PDIA4: variants seen among roughly 807,000 people sequenced by gnomAD.
PDIA4 encodes protein disulfide-isomerase A4.
PDIA4 carries 33 observed loss-of-function variants against 62.1 expected under a neutral mutation model. The observed-to-expected ratio is 0.53, with a 90% confidence interval of 0.40 to 0.71. The LOEUF is 0.71. Among genes scored for constraint, PDIA4 ranks in the 30% least tolerant of loss-of-function variants. PDIA4 has a pLI of 0.00. For missense variants in PDIA4, 804 were observed against 813.6 expected, an observed-to-expected ratio of 0.99 and a Z score of 0.14; for synonymous variants, 341 against 324.1, an observed-to-expected ratio of 1.05 and a Z score of -0.56.
At chr7:149,010,186 A>T (rs1382192) in intron 6 of PDIA4, among the ~76,000 whole-genome samples, 1 of 152,096 alleles carries the variant, frequency 6.6e-6, no homozygotes, top group African/African-American at 2.4e-5. Context: ...TGTAAAACAG[A>T]GGCATTAAAA....
chr7:149,014,413 A>G (rs1441211327), intron 4 of PDIA4, among the ~76,000 whole-genome samples: 4 of 152,090 alleles, frequency 2.6e-5, no homozygotes, highest in Admixed American at 6.5e-5. Context: ...TCACCAAGAC[A>G]GATGGTACCC....
chr7:149,027,473 G>A (rs868232017), intron 1 of PDIA4, among the ~76,000 whole-genome samples: 14 of 152,146 alleles, frequency 9.2e-5, no homozygotes, highest in African/African-American at 3.1e-4. Flanking sequence ...AAACTCAGAA[G>A]GTTAAAAAGC....
At chr7:149,018,247 A>T (rs566052009) in intron 3 of PDIA4, among the ~76,000 whole-genome samples, 15 of 152,110 alleles carry the variant, frequency 9.9e-5, no homozygotes, top group Middle Eastern at 3.4e-3. Context: ...AATAAAAAAG[A>T]AATGCAAATT....
chr7:149,014,826 T>C lies in PDIA4; in HGVS notation c.614+78A>G, dbSNP rs544286794. The stretch of plus-strand genomic sequence containing the variant: ...ACCTTGCTCCTCTGCTGTTCCTGCC[T>C]CACGGGCAGGGGCCTGCCACCCCGC... On this transcript the variant is annotated intron_variant, in intron 4 of 9. Transcript: ENST00000652332. 72 of 1,411,834 alleles carry C rather than the reference T, an allele frequency of 5.1e-5. No individual in the cohort carries two copies. The African/African-American group carries it at 9.3e-4, about 18-fold the overall frequency. The allele number at this position is 1,411,834 out of a possible 1,614,324, so 87.5% of individuals were successfully genotyped here. A position where few individuals can be genotyped will look rare whatever the true frequency, so the allele number is the denominator to read the frequency against.
intron 1 of PDIA4, among the ~76,000 whole-genome samples, chr7:149,023,226 G>A (rs1824417724): frequency 6.6e-6 from 1 of 152,158 alleles, no homozygotes; most frequent in East Asian, 1.9e-4. Context: ...ATCTCCCTGT[G>A]GAGCAGAGGG....
In PDIA4 at chr7:149,005,950, C is replaced by A. The variant is rs753851204; in HGVS notation, c.1235G>T (p.Arg412Leu). Residue 412 changes from arginine (R) to leucine (L), a missense_variant, in exon 8 of 10, where the codon CGC becomes CTC. Arg to Leu is a moderately radical substitution (Grantham distance 102). Transcript: ENST00000652332. Reference sequence around the variant, plus strand: ...ACTGTAGTAGACGACCACCAGGGGGCGCCTGGTGTAGCGCTTAGCATCGTT... The same window carrying A: ...ACTGTAGTAGACGACCACCAGGGGGAGCCTGGTGTAGCGCTTAGCATCGTT... ...VSNDAKRYTR[R>L]PLVVVYYSVD... 5 of 1,530,662 alleles carry A rather than the reference C, an allele frequency of 3.3e-6. No homozygotes were observed. Among genetic ancestry groups the A allele is most frequent in the Non-Finnish European group, 3.5e-6 (4 of 1,150,856 alleles). 94.8% of individuals were successfully genotyped at this position (1,530,662 alleles called of 1,614,324 possible). A position where few individuals can be genotyped will look rare whatever the true frequency, so the allele number is the denominator to read the frequency against.
chr7:149,008,715 G>GAAAAAAAAAAA (rs371884233), intron 6 of PDIA4, among the ~76,000 whole-genome samples: 1 of 109,132 alleles, frequency 9.2e-6, no homozygotes, highest in Non-Finnish European at 1.9e-5. Flanking sequence ...TCTTTAAAAA[G>GAAAAAAAAAAA]AAAAAAAAAA....
chr7:149,022,009 C>T (rs917786582), intron 1 of PDIA4, among the ~76,000 whole-genome samples: 1 of 152,212 alleles, frequency 6.6e-6, no homozygotes, highest in Non-Finnish European at 1.5e-5. Flanking sequence ...ATGCTTTCCA[C>T]AGGCAGGGCC....
chr7:149,016,656 C>A (rs1054831022), intron 3 of PDIA4, among the ~76,000 whole-genome samples: 2 of 152,106 alleles, frequency 1.3e-5, no homozygotes, highest in Non-Finnish European at 2.9e-5. Context: ...ACACACCAGC[C>A]ACCTGCCACC....
In PDIA4 at chr7:149,020,951, A is replaced by G. The variant is rs764070360; in HGVS notation, c.269+16T>C. On this transcript the variant is annotated intron_variant, in intron 2 of 9. Coordinates refer to ENST00000652332, the MANE Select transcript of PDIA4 (RefSeq NM_004911.5). ...CAGCGCTTGTCCACCTGCAGAAATT[A>G]GAACGCGGTCCTTACCATGGAGCAT... The G allele has an allele frequency of 6.2e-6, 10 of 1,611,998 alleles. No individual in the cohort carries two copies. Among genetic ancestry groups the G allele is most frequent in the Non-Finnish European group, 7.6e-6 (9 of 1,178,552 alleles).
chr7:149,011,992 T>A lies in PDIA4; in HGVS notation c.833A>T (p.Tyr278Phe). 1 of 1,593,182 alleles carries A rather than the reference T, an allele frequency of 6.3e-7. No homozygotes were observed. The highest frequency in any genetic ancestry group is 8.6e-7 in the Non-Finnish European group (1 of 1,168,490). Residue 278 changes from tyrosine (Y) to phenylalanine (F), a missense_variant, in exon 6 of 10, where the codon TAC becomes TTC. Physicochemically the swap from Tyr to Phe is conservative, Grantham distance 22. Transcript: ENST00000652332. ...GGGAGGCCCGGACTGCTCGATCATG[T>A]AATCAACGATTCCTGGGAGCAGGGC... Reference protein sequence around the residue: ...GPREKYGIVDYMIEQSGPPSK... With the variant: ...GPREKYGIVDFMIEQSGPPSK...
At chr7:149,024,580 T>A (rs1824472269) in intron 1 of PDIA4, among the ~76,000 whole-genome samples, 1 of 151,810 alleles carries the variant, frequency 6.6e-6, no homozygotes, top group African/African-American at 2.4e-5. Context: ...TCTGGGAGGC[T>A]GAGACGGGCA....
At chr7:149,015,970 G>A (rs1167573119) in intron 3 of PDIA4, among the ~76,000 whole-genome samples, 2 of 152,202 alleles carry the variant, frequency 1.3e-5, no homozygotes, top group Non-Finnish European at 2.9e-5. Context: ...ACCTCCAAAC[G>A]CATATGCCTG....
rs1460216985 is a variant in PDIA4 at position 149,003,844 on chromosome 7, A to G, written c.1888T>C (p.Phe630Leu). Residue 630 changes from phenylalanine (F) to leucine (L), a missense_variant, in exon 10 of 10, where the codon TTT becomes CTT. Transcript: ENST00000652332. ...AGTTTTGTGGCATGTTCTTCTATAAACTTGCTCAAATGCTCCAGATCTCTG... is the reference window on the plus strand; with the variant it reads ...AGTTTTGTGGCATGTTCTTCTATAAGCTTGCTCAAATGCTCCAGATCTCTG... ...GDRDLEHLSKFIEEHATKLSR... is the reference protein window; with the variant it reads ...GDRDLEHLSKLIEEHATKLSR... 1 of 1,601,252 alleles carries G rather than the reference A, an allele frequency of 6.2e-7. No individual in the cohort carries two copies. The highest frequency in any genetic ancestry group is 1.1e-5 in the South Asian group (1 of 88,566).
intron 1 of PDIA4, among the ~76,000 whole-genome samples, chr7:149,023,746 G>A (rs1488699986): frequency 6.6e-6 from 1 of 152,172 alleles, no homozygotes; most frequent in African/African-American, 2.4e-5. Context: ...GACGTTTGCA[G>A]CGAAGAGGCC....
At chr7:149,015,949 G>C (rs1824123103) in intron 3 of PDIA4, among the ~76,000 whole-genome samples, 1 of 152,366 alleles carries the variant, frequency 6.6e-6, no homozygotes, top group East Asian at 1.9e-4. Context: ...GCAGTCAAAT[G>C]TTGGCCACAG....
At chr7:149,006,211 G>A in intron 7 of PDIA4, 158 bp from the exon 8 acceptor site, 1 of 632,130 alleles carries the variant, frequency 1.6e-6, no homozygotes, top group Non-Finnish European at 2.5e-6. Flanking sequence ...GCACAGCCCA[G>A]TCATTCCCTA....
intron 6 of PDIA4, among the ~76,000 whole-genome samples, chr7:149,011,411 T>G (rs535811052): frequency 6.6e-6 from 1 of 152,328 alleles, no homozygotes; most frequent in South Asian, 2.1e-4. Context: ...ATTGCTAAGC[T>G]CTTCATCTAC....
intron 6 of PDIA4, among the ~76,000 whole-genome samples, chr7:149,010,972 C>A (rs946293757): frequency 2.6e-5 from 4 of 152,230 alleles, no homozygotes; most frequent in African/African-American, 7.2e-5. Context: ...CTGCAAGTTT[C>A]TTCCTGACTA....
Sources: gnomAD v4.1 joint callset for allele counts (sites outside exome capture counted in the v4.1 genomes callset) on GRCh38, gnomAD v4.1.1 for gene constraint, MANE v1.5 for transcripts, NCBI Gene and HGNC (gene_info 2026-07-23, HGNC 2026-07-21) for gene names.